The following CAMKK2 variants were observed in gnomAD, a reference collection of about 807,000 sequenced individuals.
CAMKK2 encodes calcium/calmodulin dependent protein kinase kinase 2.
CAMKK2 carries 30 observed loss-of-function variants against 67.2 expected under a neutral mutation model. That is an observed-to-expected ratio of 0.45 (90% confidence interval 0.33 to 0.61). The LOEUF (loss-of-function observed/expected upper bound fraction) is 0.61, where lower values mean the gene tolerates loss of function less well. CAMKK2 is among the 20% of genes least tolerant of loss of function. The pLI is 0.02. For missense variants in CAMKK2, 643 were observed against 802.0 expected, an observed-to-expected ratio of 0.80 and a Z score of 2.39; for synonymous variants, 322 against 326.2, an observed-to-expected ratio of 0.99 and a Z score of 0.14.
At chr12:121,286,801 T>C (rs1898836219) in intron 1 of CAMKK2, among the ~76,000 whole-genome samples, 1 of 152,214 alleles carries the variant, frequency 6.6e-6, no homozygotes, top group Admixed American at 6.5e-5. Flanking sequence ...AGCTTCTGAG[T>C]GCTTCAGGAG....
intron 4 of CAMKK2, 118 bp from the exon 5 acceptor site, chr12:121,268,807 C>A: frequency 1.1e-6 from 1 of 887,280 alleles, no homozygotes; most frequent in Non-Finnish European, 1.9e-6. Flanking sequence ...GCTCCTGGCC[C>A]CCTGGCAGGC....
intron 7 of CAMKK2, among the ~76,000 whole-genome samples, chr12:121,256,534 C>T (rs1892334742): frequency 6.6e-6 from 1 of 152,072 alleles, no homozygotes; most frequent in Admixed American, 6.6e-5. Context: ...AACCTCATAC[C>T]CATTAGCAGT....
At position 121,271,070 on chromosome 12, in the gene CAMKK2, T is replaced by G. The variant is rs931012083; in HGVS notation, c.472-125A>C. On this transcript the variant is annotated intron_variant, in intron 2 of 16. Coordinates refer to ENST00000404169, the MANE Select transcript of CAMKK2 (RefSeq NM_001270485.2). ...TGGGAGGATCACTTGAGTTCAGGAGTTCCAGACCAGCCTGGCCAACATGGT... is the reference window on the plus strand; with the variant it reads ...TGGGAGGATCACTTGAGTTCAGGAGGTCCAGACCAGCCTGGCCAACATGGT... 12 of 724,710 alleles carry G rather than the reference T, an allele frequency of 1.7e-5. No individual in the cohort carries two copies. In the African/African-American group the frequency reaches 2.1e-4, roughly 13 times the overall value. The allele number at this position is 724,710 out of a possible 1,614,324, so 44.9% of individuals were successfully genotyped here.
At chr12:121,283,319 T>A (rs1898146956) in intron 1 of CAMKK2, among the ~76,000 whole-genome samples, 1 of 151,450 alleles carries the variant, frequency 6.6e-6, no homozygotes, top group South Asian at 2.1e-4. Flanking sequence ...CTGTTACAAC[T>A]GGCTCTCTCC....
intron 1 of CAMKK2, among the ~76,000 whole-genome samples, chr12:121,276,096 G>T (rs1158363936): frequency 6.7e-6 from 1 of 149,446 alleles, no homozygotes; most frequent in Non-Finnish European, 1.5e-5. Flanking sequence ...GGAGGCGGAG[G>T]TTGCAATGAG....
chr12:121,264,255 G>C (rs1398620224), intron 5 of CAMKK2, among the ~76,000 whole-genome samples: 3 of 152,192 alleles, frequency 2.0e-5, no homozygotes, highest in African/African-American at 4.8e-5. Context: ...CAACACCCAG[G>C]GTGAGTCAAT....
At chr12:121,273,333 G>T (rs1445470088) in intron 2 of CAMKK2, among the ~76,000 whole-genome samples, 1 of 152,044 alleles carries the variant, frequency 6.6e-6, no homozygotes, top group Non-Finnish European at 1.5e-5. Context: ...CAAGAGCTTG[G>T]ATTCCGAGGA....
chr12:121,286,232 C>A (rs191861701), intron 1 of CAMKK2, among the ~76,000 whole-genome samples: 1 of 152,360 alleles, frequency 6.6e-6, no homozygotes, highest in East Asian at 1.9e-4. Context: ...CTCATCCAGG[C>A]CAAACTGCCA....
Position 121,240,443 on chromosome 12 carries a change from C to G in CAMKK2, c.*256G>C, listed in dbSNP as rs1017526177. On this transcript the variant is annotated 3_prime_UTR_variant, in exon 17 of 17. Transcript: ENST00000404169. This position sits in a 1 kb window ranked among gnomAD's most constrained non-coding sequence, Gnocchi z 4.4. The stretch of plus-strand genomic sequence containing the variant: ...TTTAAAAAGCAATTGTCCCAAAATG[C>G]ACGTGGGTTTGGGTCTGCAACTCCT... The G allele has an allele frequency of 6.6e-7, 1 of 1,526,176 alleles. No individual in the cohort carries two copies. Among genetic ancestry groups the G allele is most frequent in the Non-Finnish European group, 8.7e-7 (1 of 1,144,264 alleles). 94.5% of individuals were successfully genotyped at this position (1,526,176 alleles called of 1,614,324 possible).
Position 121,245,313 on chromosome 12 carries a change from C to G in CAMKK2, c.1453-73G>C, listed in dbSNP as rs534075254. 1.9e-5 allele frequency: 17 copies of G among 906,564 alleles called. No homozygotes were observed. The South Asian group carries it at 2.1e-4, about 11-fold the overall frequency. 56.2% of individuals were successfully genotyped at this position (906,564 alleles called of 1,614,324 possible). A position where few individuals can be genotyped will look rare whatever the true frequency, so the allele number is the denominator to read the frequency against. On this transcript the variant is annotated intron_variant, in intron 14 of 16. Coordinates refer to ENST00000404169, the MANE Select transcript of CAMKK2 (RefSeq NM_001270485.2). The surrounding 1 kb of genome is among the most constrained non-coding windows in gnomAD (Gnocchi z 5.8). ...GGGGGCGATTCTGGGCAACATCCTC[C>G]CTCTTCCTTCTCCCCAGCCCCTGCC...
In CAMKK2 at chr12:121,239,997, T is replaced by C. The variant is rs1888061764; in HGVS notation, c.*702A>G. ...GTCATGAAGAAACACGTTCAGTCTT[T>C]CAGGAGAAATGTTTCCCCACCACAG... On this transcript the variant is annotated 3_prime_UTR_variant, in exon 17 of 17. Transcript: ENST00000404169. 6.1e-6 allele frequency: 1 copy of C among 163,482 alleles called. No homozygotes were observed. Among genetic ancestry groups the C allele is most frequent in the Admixed American group, 5.9e-5 (1 of 17,052 alleles). The allele number at this position is 163,482 out of a possible 1,614,324, so 10.1% of individuals were successfully genotyped here. A position where few individuals can be genotyped will look rare whatever the true frequency, so the allele number is the denominator to read the frequency against.
At position 121,240,668 on chromosome 12, in the gene CAMKK2, G is replaced by T; in HGVS notation, c.*31C>A. On this transcript the variant is annotated 3_prime_UTR_variant, in exon 17 of 17. Transcript: ENST00000404169. This position sits in a 1 kb window ranked among gnomAD's most constrained non-coding sequence, Gnocchi z 4.4. ...GCAGCAGCCCCCCAGAGGCGACGCGGCGCGCATGCGAGGTCGAGCGATCCA... is the reference window on the plus strand; with the variant it reads ...GCAGCAGCCCCCCAGAGGCGACGCGTCGCGCATGCGAGGTCGAGCGATCCA... 6.4e-7 allele frequency: 1 copy of T among 1,561,956 alleles called. No homozygotes were observed.
intron 1 of CAMKK2, among the ~76,000 whole-genome samples, chr12:121,289,871 A>C (rs1440854208): frequency 6.8e-6 from 1 of 147,096 alleles, no homozygotes; most frequent in African/African-American, 2.6e-5. Flanking sequence ...CCAGCCTGAG[A>C]GACAGAGCAA....
intron 7 of CAMKK2, 89 bp from the exon 8 acceptor site, chr12:121,255,893 A>C: frequency 8.1e-7 from 1 of 1,231,740 alleles, no homozygotes; most frequent in Non-Finnish European, 1.2e-6. Flanking sequence ...ACCTCCAGAA[A>C]CACCAAGAAA....
Position 121,274,562 on chromosome 12 carries a change from A to T in CAMKK2, c.-36T>A, listed in dbSNP as rs750871239. 6.7e-7 allele frequency: 1 copy of T among 1,486,348 alleles called. No individual in the cohort carries two copies. Among genetic ancestry groups the T allele is most frequent in the South Asian group, 1.2e-5 (1 of 83,592 alleles). 92.1% of individuals were successfully genotyped at this position (1,486,348 alleles called of 1,614,324 possible). A position where few individuals can be genotyped will look rare whatever the true frequency, so the allele number is the denominator to read the frequency against. On this transcript the variant is annotated 5_prime_UTR_variant, in exon 2 of 17. Coordinates refer to ENST00000404169, the MANE Select transcript of CAMKK2 (RefSeq NM_001270485.2). ...CCAGCTTCATCCAGCACACTGGGGC[A>T]CTCCCATCCGGCAGCGGAGCCACCT... is the stretch of plus-strand genomic sequence containing the variant.
chr12:121,268,933 C>A (rs1196923117), intron 4 of CAMKK2, among the ~76,000 whole-genome samples: 1 of 152,050 alleles, frequency 6.6e-6, no homozygotes, highest in Non-Finnish European at 1.5e-5. Flanking sequence ...GGCTCACGGT[C>A]GCCTCTCTCA....
rs530398383 is a variant in CAMKK2 at position 121,250,143 on chromosome 12, T to C, written c.1162-109A>G. On this transcript the variant is annotated intron_variant, in intron 11 of 16. Transcript: ENST00000404169. ...TAGGATACAGCAGAGAAATCAACAA[T>C]TGCGGCCCAGGCTAGGGGGCAAGCA... 41 of 862,340 alleles carry C rather than the reference T, an allele frequency of 4.8e-5. No homozygotes were observed. The South Asian group carries it at 5.5e-4, about 12-fold the overall frequency. The allele number at this position is 862,340 out of a possible 1,614,324, so 53.4% of individuals were successfully genotyped here. A position where few individuals can be genotyped will look rare whatever the true frequency, so the allele number is the denominator to read the frequency against.
At chr12:121,247,979 T>C (rs1191579328) in intron 14 of CAMKK2, among the ~76,000 whole-genome samples, 2 of 152,124 alleles carry the variant, frequency 1.3e-5, no homozygotes, top group Non-Finnish European at 2.9e-5. Context: ...ACTCTTGGTC[T>C]CTCTCTTGGA....
chr12:121,282,745 C>CT (rs1401126161), intron 1 of CAMKK2, among the ~76,000 whole-genome samples: 1 of 146,766 alleles, frequency 6.8e-6, no homozygotes, highest in South Asian at 2.1e-4. Context: ...TATCTCTGTT[C>CT]TTTTTTTTCT....
Sources: allele counts gnomAD v4.1 joint callset (sites outside exome capture counted in the v4.1 genomes callset), GRCh38; gene constraint gnomAD v4.1.1; non-coding constraint Gnocchi (gnomAD v3.1); transcripts MANE v1.5; gene names NCBI Gene and HGNC (gene_info 2026-07-23, HGNC 2026-07-21).